Variants in HS2ST1 observed in about 807,000 individuals in gnomAD.
The protein encoded by HS2ST1 is 2-O-sulfotransferase.
Under a neutral mutation model 42.9 loss-of-function variants are expected in HS2ST1, and 18 were observed. The ratio of observed to expected loss-of-function variants is 0.42; its 90% CI spans 0.29 to 0.62. The LOEUF (loss-of-function observed/expected upper bound fraction) is 0.62. HS2ST1 is among the 20% of genes least tolerant of loss of function. HS2ST1 has a pLI of 0.21. For missense variants in HS2ST1, 334 were observed against 433.8 expected, an observed-to-expected ratio of 0.77 and a Z score of 2.04; for synonymous variants, 146 against 152.9, an observed-to-expected ratio of 0.95 and a Z score of 0.33.
At chr1:87,029,961 C>T (rs1023323249) in intron 1 of HS2ST1, among the ~76,000 whole-genome samples, 7 of 152,120 alleles carry the variant, frequency 4.6e-5, no homozygotes, top group African/African-American at 1.4e-4. Context: ...AAAGGTATTT[C>T]GGTAAAAAGG....
At chr1:87,058,790 G>A (rs192727536) in intron 1 of HS2ST1, among the ~76,000 whole-genome samples, 250 of 151,652 alleles carry the variant, frequency 1.6e-3, no homozygotes, top group Non-Finnish European at 2.8e-3. Context: ...GGCTGGGTGC[G>A]GTGGCTCACG....
chr1:87,012,053 A>G lies in HS2ST1; in HGVS notation c.125-60881A>G, dbSNP rs538699531. On this transcript the variant is annotated intron_variant, in intron 1 of 6. Transcript: ENST00000370550. ...TAATTAATTGATTCCCCTTTCCACA[A>G]TATCATCTTCCAGTGCTTTCAGAGG... Among the ~76,000 whole-genome samples the G allele has an allele frequency of 4.5e-4, 68 of 152,332 alleles. 1 individual carries two copies. Among genetic ancestry groups the G allele is most frequent in the African/African-American group, 1.6e-3 (65 of 41,570 alleles).
intron 1 of HS2ST1, among the ~76,000 whole-genome samples, chr1:87,043,030 G>A (rs868710346): frequency 2.6e-5 from 4 of 152,000 alleles, no homozygotes; most frequent in Non-Finnish European, 4.4e-5. Flanking sequence ...TCCCCCAGCC[G>A]TTTCAAGATT....
intron 1 of HS2ST1, among the ~76,000 whole-genome samples, chr1:86,971,220 A>G (rs973946728): frequency 6.6e-6 from 1 of 152,192 alleles, no homozygotes; most frequent in Non-Finnish European, 1.5e-5. Flanking sequence ...AGTGGCATCC[A>G]AGAGGGAAGG....
In HS2ST1 at chr1:87,108,020, T is replaced by C. The variant is rs565715694; in HGVS notation, c.*3324T>C. 6.6e-6 allele frequency: 1 copy of C among 152,248 alleles called. No individual in the cohort carries two copies. Among genetic ancestry groups the C allele is most frequent in the African/African-American group, 2.4e-5 (1 of 41,580 alleles). The allele number at this position is 152,248 out of a possible 1,614,324, so 9.4% of individuals were successfully genotyped here. A position where few individuals can be genotyped will look rare whatever the true frequency, so the allele number is the denominator to read the frequency against. ...GATCTTAAAATTTGGTTAATGCCTA[T>C]AATCTGTTGCTTTTTCTCAATATGT... On this transcript the variant is annotated 3_prime_UTR_variant, in exon 7 of 7. Transcript: ENST00000370550.
chr1:86,985,521 CATATATAT>C (rs1170750152), intron 1 of HS2ST1, among the ~76,000 whole-genome samples: 31,742 of 61,292 alleles, frequency 0.52, 8,924 homozygotes, highest in East Asian at 0.87. Flanking sequence ...TATATATACA[CATATATAT>C]ACATATATAT....
chr1:86,958,040 C>T (rs1570445763), intron 1 of HS2ST1, among the ~76,000 whole-genome samples: 2 of 152,258 alleles, frequency 1.3e-5, no homozygotes, highest in East Asian at 3.9e-4. Context: ...GATCCACCCG[C>T]CTCGGCCTCC....
chr1:86,915,135 A>G lies in HS2ST1; in HGVS notation c.99A>G (p.Lys33=). Residue 33 remains lysine (K), a synonymous_variant, in exon 1 of 7, where the codon AAA becomes AAG. Coordinates refer to ENST00000370550, the MANE Select transcript of HS2ST1 (RefSeq NM_012262.4). ...AMLFLENQIQ[K]LEESRSKLER... ...TCTTCTTGGAAAACCAGATCCAGAA[A>G]CTGGAGGAGTCCCGCTCGAAGCTAG... The G allele has an allele frequency of 6.2e-7, 1 of 1,613,838 alleles. No homozygotes were observed. The highest frequency in any genetic ancestry group is 8.5e-7 in the Non-Finnish European group (1 of 1,179,884).
At chr1:87,016,477 C>G (rs2390214) in intron 1 of HS2ST1, among the ~76,000 whole-genome samples, 117,171 of 152,086 alleles carry the variant, frequency 0.77, 46,123 homozygotes, top group East Asian at 0.97. Context: ...ATTCCTTTCT[C>G]TCTCTCTCCT....
intron 1 of HS2ST1, chr1:87,045,119 G>T: frequency 1.1e-6 from 1 of 889,682 alleles, no homozygotes; most frequent in Non-Finnish European, 1.9e-6. Flanking sequence ...GAGCTGTGGA[G>T]GTGGAAGGCT....
chr1:87,056,632 A>G (rs562288665), intron 1 of HS2ST1, among the ~76,000 whole-genome samples: 3 of 152,346 alleles, frequency 2.0e-5, no homozygotes, highest in South Asian at 2.1e-4. Context: ...ATCTGCCGCT[A>G]TGAACATAAC....
intron 1 of HS2ST1, among the ~76,000 whole-genome samples, chr1:86,996,442 C>CAA (rs67401349): frequency 0.013 from 1,495 of 112,840 alleles, 29 homozygotes; most frequent in African/African-American, 0.048. Flanking sequence ...AACTCTGTCT[C>CAA]AAAAAAAAAA....
At chr1:87,049,765 A>G (rs1421057351) in intron 1 of HS2ST1, among the ~76,000 whole-genome samples, 1 of 152,032 alleles carries the variant, frequency 6.6e-6, no homozygotes, top group Non-Finnish European at 1.5e-5. Context: ...TCTAAATGCC[A>G]ATTGGCTAAT....
Position 87,092,519 on chromosome 1 carries a change from G to C in HS2ST1, c.450-12G>C. On this transcript the variant is annotated splice_polypyrimidine_tract_variant and intron_variant, in intron 3 of 6. Transcript: ENST00000370550. ...ATGTTGATTTCACCTTTGAAATTTT[G>C]TTGTATTTCAGATTTGGTGTGAAGA... The C allele has an allele frequency of 6.6e-7, 1 of 1,524,962 alleles. No individual in the cohort carries two copies. Among genetic ancestry groups the C allele is most frequent in the Non-Finnish European group, 8.8e-7 (1 of 1,141,932 alleles). The allele number at this position is 1,524,962 out of a possible 1,614,324, so 94.5% of individuals were successfully genotyped here. A position where few individuals can be genotyped will look rare whatever the true frequency, so the allele number is the denominator to read the frequency against.
At chr1:87,061,655 T>C (rs938834334) in intron 1 of HS2ST1, among the ~76,000 whole-genome samples, 2 of 152,154 alleles carry the variant, frequency 1.3e-5, no homozygotes, top group Non-Finnish European at 2.9e-5. Context: ...TTGATGGACA[T>C]TTGGATTGTT....
intron 1 of HS2ST1, among the ~76,000 whole-genome samples, chr1:86,996,593 A>T (rs1175438813): frequency 1.3e-5 from 2 of 152,166 alleles, no homozygotes. Flanking sequence ...TACAGATGAG[A>T]CATATTATCC....
chr1:86,975,868 A>T (rs1302917632), intron 1 of HS2ST1, among the ~76,000 whole-genome samples: 1 of 152,214 alleles, frequency 6.6e-6, no homozygotes, highest in African/African-American at 2.4e-5. Flanking sequence ...GCTAGTAACT[A>T]AAAATCACGA....
At chr1:87,036,230 C>T (rs9970311) in intron 1 of HS2ST1, among the ~76,000 whole-genome samples, 3,594 of 152,182 alleles carry the variant, frequency 0.024, 75 homozygotes, top group African/African-American at 0.049. Flanking sequence ...GGTTCCAAGT[C>T]TTTGCTATTG....
At chr1:86,925,061 C>T (rs945743418) in intron 1 of HS2ST1, among the ~76,000 whole-genome samples, 2 of 152,188 alleles carry the variant, frequency 1.3e-5, no homozygotes, top group Admixed American at 1.3e-4. Context: ...TTAGAAATTT[C>T]TTTCACCAGA....
Sources: gnomAD v4.1 joint callset for allele counts (sites outside exome capture counted in the v4.1 genomes callset) on GRCh38, gnomAD v4.1.1 for gene constraint, MANE v1.5 for transcripts, NCBI Gene and HGNC (gene_info 2026-07-23, HGNC 2026-07-21) for gene names.